The following PANK2 variants were observed in gnomAD, a reference collection of about 807,000 sequenced individuals.
PANK2 encodes pantothenate kinase 2.
PANK2 carries 36 observed loss-of-function variants against 43.1 expected under a neutral mutation model. That is an observed-to-expected ratio of 0.84 (90% CI 0.64 to 1.10). PANK2 has a LOEUF of 1.10. Ranked by LOEUF, PANK2 falls within the 50% of genes least tolerant of loss-of-function variation. PANK2 has a pLI of 0.00. For missense variants in PANK2, 576 were observed against 593.3 expected, an observed-to-expected ratio of 0.97 and a Z score of 0.30; for synonymous variants, 281 against 238.2, an observed-to-expected ratio of 1.18 and a Z score of -1.66.
At chr20:3,918,612 C>A in intron 5 of PANK2, 59 bp from the exon 6 acceptor site, 1 of 1,609,984 alleles carries the variant, frequency 6.2e-7, no homozygotes, top group Non-Finnish European at 8.5e-7. Context: ...TTTGGGGTAG[C>A]TTTTATGAGA....
chr20:3,893,931 GTTTT>G (rs374582085), intron 1 of PANK2, among the ~76,000 whole-genome samples: 1 of 73,164 alleles, frequency 1.4e-5, no homozygotes, highest in Non-Finnish European at 3.1e-5. Context: ...TTTGTTTTTT[GTTTT>G]TTTTTTTTTT....
Position 3,924,805 on chromosome 20 carries a change from ATCC to A in PANK2, c.*1516_*1518del, listed in dbSNP as rs1390867039. On this transcript the variant is annotated 3_prime_UTR_variant, in exon 7 of 7. Transcript: ENST00000610179. ...CCCAGGCACCAAAGATGGCACCACC[ATCC>A]TCCTGCTTGTACCACAGGGTGCTGC... is the stretch of plus-strand genomic sequence containing the variant. 1 of 152,642 alleles carries A rather than the reference ATCC, an allele frequency of 6.6e-6. No individual in the cohort carries two copies. Among genetic ancestry groups the A allele is most frequent in the Admixed American group, 6.5e-5 (1 of 15,276 alleles). The allele number at this position is 152,642 out of a possible 1,614,324, so 9.5% of individuals were successfully genotyped here. A position where few individuals can be genotyped will look rare whatever the true frequency, so the allele number is the denominator to read the frequency against.
intron 1 of PANK2, among the ~76,000 whole-genome samples, chr20:3,898,531 T>G (rs2090247938): frequency 6.6e-6 from 1 of 152,152 alleles, no homozygotes. Context: ...AATAAATATG[T>G]AAGGCTAGAT....
At chr20:3,913,990 T>G (rs6107370) in intron 4 of PANK2, among the ~76,000 whole-genome samples, 11 of 151,308 alleles carry the variant, frequency 7.3e-5, no homozygotes, top group Non-Finnish European at 1.3e-4. Flanking sequence ...GGGGTTTCAC[T>G]ATGTTGGCCA....
Position 3,912,447 on chromosome 20 carries a change from T to A in PANK2, c.906-11T>A. ...ATGTTATAATACTGTGTTAATTGTT[T>A]TTAATCATAGTCTTGGAGGAGGAAC... is the stretch of plus-strand genomic sequence containing the variant. On this transcript the variant is annotated splice_polypyrimidine_tract_variant and intron_variant, in intron 3 of 6. Transcript: ENST00000610179. 1 of 1,613,736 alleles carries A rather than the reference T, an allele frequency of 6.2e-7. No individual in the cohort carries two copies. The highest frequency in any genetic ancestry group is 8.5e-7 in the Non-Finnish European group (1 of 1,179,620).
In PANK2 at chr20:3,915,225, A is replaced by G. The variant is rs147606811; in HGVS notation, c.1083-1702A>G. ...ATGAAGAATTGCCTAATTTAAGATCATGAAGAATTGTTTATTTTCTTTTAA... is the reference window on the plus strand; with the variant it reads ...ATGAAGAATTGCCTAATTTAAGATCGTGAAGAATTGTTTATTTTCTTTTAA... On this transcript the variant is annotated intron_variant, in intron 4 of 6. Transcript: ENST00000610179. Among the ~76,000 whole-genome samples the G allele has an allele frequency of 1.8e-3, 211 of 114,956 alleles. 4 individuals are homozygous for G. The highest frequency in any genetic ancestry group is 0.012 in the East Asian group (39 of 3,262). 75.4% of individuals were successfully genotyped at this position (114,956 alleles called of 152,430 possible).
At chr20:3,911,751 C>T (rs1229910378) in intron 3 of PANK2, among the ~76,000 whole-genome samples, 3 of 152,226 alleles carry the variant, frequency 2.0e-5, no homozygotes, top group Non-Finnish European at 2.9e-5. Flanking sequence ...ATTAGCCGGG[C>T]GTGGTGGCAC....
At chr20:3,899,416 C>T (rs2090263414) in intron 1 of PANK2, among the ~76,000 whole-genome samples, 1 of 151,752 alleles carries the variant, frequency 6.6e-6, no homozygotes, top group South Asian at 2.1e-4. Context: ...GGTGGTCCAC[C>T]CATCTTGGCC....
At chr20:3,923,085 C>T (rs1031320858) in intron 6 of PANK2, among the ~76,000 whole-genome samples, 159 bp from the exon 7 acceptor site, 1 of 152,196 alleles carries the variant, frequency 6.6e-6, no homozygotes, top group Non-Finnish European at 1.5e-5. Context: ...CTCCTTAGGG[C>T]GTCTCTGCTC....
intron 1 of PANK2, chr20:3,891,537 C>T (rs1173327479): frequency 2.0e-5 from 3 of 152,166 alleles, no homozygotes; most frequent in Non-Finnish European, 4.4e-5. Flanking sequence ...TTGCGGTGGA[C>T]CACTGTGTTT....
intron 6 of PANK2, among the ~76,000 whole-genome samples, chr20:3,922,096 C>T (rs1019588671): frequency 3.9e-5 from 6 of 152,282 alleles, no homozygotes; most frequent in East Asian, 1.9e-4. Flanking sequence ...AGAAGCTTTT[C>T]GTGAAAGATA....
At position 3,926,352 on chromosome 20, in the gene PANK2, G is replaced by C. The variant is rs1325350238; in HGVS notation, c.*3058G>C. On this transcript the variant is annotated 3_prime_UTR_variant, in exon 7 of 7. Coordinates refer to ENST00000610179, the MANE Select transcript of PANK2 (RefSeq NM_001386393.1). ...AAGCTGCAAAGAAAACGACTGCTCA[G>C]GGAGAGGCTGGCCAGGGGCCTGTGG... The C allele has an allele frequency of 6.6e-6, 1 of 152,364 alleles. No homozygotes were observed. Among genetic ancestry groups the C allele is most frequent in the Non-Finnish European group, 1.5e-5 (1 of 68,176 alleles). The allele number at this position is 152,364 out of a possible 1,614,324, so 9.4% of individuals were successfully genotyped here.
In PANK2 at chr20:3,889,622, G is replaced by T. The variant is rs763715231; in HGVS notation, c.192G>T (p.Ala64=). Residue 64 remains alanine, a synonymous_variant, in exon 1 of 7, where the codon GCG becomes GCT. Transcript: ENST00000610179. ...GGGCGAGCAGCGCGTCGGTGCCCGC[G>T]GTCGGGGCCTCGGCTGAGGGCACGA... 43 of 1,546,568 alleles carry T rather than the reference G, an allele frequency of 2.8e-5. 1 individual carries two copies. Among genetic ancestry groups the T allele is most frequent in the South Asian group, 2.7e-4 (23 of 85,742 alleles).
intron 1 of PANK2, among the ~76,000 whole-genome samples, chr20:3,900,624 A>G (rs932672645): frequency 1.3e-5 from 2 of 151,914 alleles, no homozygotes; most frequent in Admixed American, 1.3e-4. Flanking sequence ...ATCTTTTTAC[A>G]TCAACATATA....
At chr20:3,920,470 T>C (rs1197383004) in intron 6 of PANK2, among the ~76,000 whole-genome samples, 1 of 152,110 alleles carries the variant, frequency 6.6e-6, no homozygotes, top group Non-Finnish European at 1.5e-5. Context: ...TGAGCTGAGA[T>C]CGCACCACTG....
upstream of PANK2, chr20:3,888,908 A>C (rs951069558): frequency 9.0e-6 from 5 of 556,178 alleles, no homozygotes; most frequent in African/African-American, 5.7e-5. Flanking sequence ...GGCTAAGGTC[A>C]GCCGCGGTTC....
chr20:3,918,265 T>C (rs1023028285), intron 5 of PANK2, among the ~76,000 whole-genome samples: 4 of 152,196 alleles, frequency 2.6e-5, no homozygotes, highest in Non-Finnish European at 5.9e-5. Flanking sequence ...ATTTTACTTT[T>C]GTTTGATGAC....
At position 3,889,488 on chromosome 20, in the gene PANK2, G is replaced by T. The variant is rs760786898; in HGVS notation, c.58G>T (p.Gly20Cys). 7 of 1,484,574 alleles carry T rather than the reference G, an allele frequency of 4.7e-6. No homozygotes were observed. The highest frequency in any genetic ancestry group is 6.2e-6 in the Non-Finnish European group (7 of 1,126,908). 92.0% of individuals were successfully genotyped at this position (1,484,574 alleles called of 1,614,324 possible). A position where few individuals can be genotyped will look rare whatever the true frequency, so the allele number is the denominator to read the frequency against. Residue 20 changes from glycine to cysteine, a missense_variant, in exon 1 of 7, where the codon GGC becomes TGC. Physicochemically the swap from Gly to Cys is radical, Grantham distance 159. Transcript: ENST00000610179. ...GCTGCGGATGGGAGGGGGCCGGCTC[G>T]GCGCGCCCATGGAGCGCCACGGCAG...
chr20:3,917,061 A>C lies in PANK2; in HGVS notation c.1206+11A>C, dbSNP rs750451230. 32 of 1,613,944 alleles carry C rather than the reference A, an allele frequency of 2.0e-5. 1 individual carries two copies. In the South Asian group the frequency reaches 3.4e-4, roughly 17 times the overall value. ...TGTGCCCTTAATGAAGTAAGGGGAC[A>C]TGGATTTCTTTAATTGCTCTAAGGA... On this transcript the variant is annotated intron_variant, in intron 5 of 6. Transcript: ENST00000610179.
Sources: allele counts gnomAD v4.1 joint callset (sites outside exome capture counted in the v4.1 genomes callset), GRCh38; gene constraint gnomAD v4.1.1; transcripts MANE v1.5; gene names NCBI Gene and HGNC (gene_info 2026-07-23, HGNC 2026-07-21).